Variants in TEX101 observed in about 807,000 individuals in gnomAD.
The protein encoded by TEX101 is testis-expressed protein 101.
In TEX101, 10 loss-of-function variants were observed where a neutral mutation model predicts 18.1. The ratio of observed to expected loss-of-function variants is 0.55; its 90% confidence interval spans 0.34 to 0.94. TEX101 has a LOEUF of 0.94. Ranked by LOEUF, TEX101 falls within the 40% of genes least tolerant of loss-of-function variation. The pLI, the probability that TEX101 is intolerant of heterozygous loss-of-function variation, is 0.02. For synonymous variants in TEX101, 94 were observed against 114.8 expected (o/e 0.82, Z 1.16); for missense variants, 259 against 298.9 (o/e 0.87, Z 0.98).
chr19:43,416,290 T>A, intron 3 of TEX101, 48 bp downstream of exon 3: 3 of 1,587,438 alleles, frequency 1.9e-6, no homozygotes, highest in Non-Finnish European at 2.6e-6. Context: ...AGGTTGATTA[T>A]CTCCATGCCA....
chr19:43,398,665 A>G (rs1297487397), upstream of TEX101, among the ~76,000 whole-genome samples: 1 of 152,040 alleles, frequency 6.6e-6, no homozygotes, highest in African/African-American at 2.4e-5. Flanking sequence ...CATTTTTTTC[A>G]TGACTGCTAA....
upstream of TEX101, among the ~76,000 whole-genome samples, chr19:43,399,864 G>C (rs1270009334): frequency 2.0e-5 from 3 of 149,270 alleles, no homozygotes. Context: ...CTGGAGTGCT[G>C]GAGTGCAATG....
the TEX101 span, among the ~76,000 whole-genome samples, chr19:43,395,329 T>TA: frequency 2.6e-5 from 4 of 152,234 alleles, no homozygotes; most frequent in Admixed American, 6.5e-5. Context: ...TCAAAGGCCT[T>TA]AAGCTCAAAA....
At chr19:43,413,205 C>A (rs1970434439), upstream of TEX101, among the ~76,000 whole-genome samples, 1 of 152,170 alleles carries the variant, frequency 6.6e-6, no homozygotes, top group African/African-American at 2.4e-5. Flanking sequence ...AAGTTGTAAG[C>A]CTTTAAAAAG....
intron 1 of TEX101, among the ~76,000 whole-genome samples, chr19:43,402,199 A>G (rs909852263): frequency 3.9e-5 from 6 of 152,270 alleles, no homozygotes; most frequent in African/African-American, 1.4e-4. Flanking sequence ...CCCTTTATGT[A>G]TACAGAAGTC....
intron 5 of TEX101, 64 bp from the exon 6 acceptor site, chr19:43,418,104 G>A: frequency 1.9e-6 from 3 of 1,610,602 alleles, no homozygotes; most frequent in Admixed American, 3.3e-5. Context: ...GATGAGGGGG[G>A]ACTGGATTCT....
At chr19:43,397,826 AAT>A (rs1242081501), upstream of TEX101, among the ~76,000 whole-genome samples, 41 of 111,350 alleles carry the variant, frequency 3.7e-4, no homozygotes, top group Non-Finnish European at 6.0e-4. Flanking sequence ...AATATATAAA[AAT>A]ATATATTTTA....
At chr19:43,406,731 C>T (rs970912922) in intron 3 of TEX101, among the ~76,000 whole-genome samples, 22 of 151,958 alleles carry the variant, frequency 1.4e-4, no homozygotes, top group Middle Eastern at 3.2e-3. Context: ...AGAAGCCTCC[C>T]GTTGGGCAGG....
At chr19:43,399,007 C>T (rs894212667), upstream of TEX101, among the ~76,000 whole-genome samples, 6 of 152,100 alleles carry the variant, frequency 3.9e-5, no homozygotes, top group African/African-American at 7.2e-5. Context: ...AAAGCCAATT[C>T]GATATTTTAC....
intron 3 of TEX101, among the ~76,000 whole-genome samples, chr19:43,407,636 T>C (rs1298639367): frequency 1.3e-5 from 2 of 152,220 alleles, no homozygotes; most frequent in Non-Finnish European, 2.9e-5. Flanking sequence ...GTTCAGACGT[T>C]TGGTGCCTGT....
chr19:43,400,836 T>C (rs576293634), upstream of TEX101, among the ~76,000 whole-genome samples: 113 of 152,322 alleles, frequency 7.4e-4, no homozygotes, highest in African/African-American at 2.7e-3. Context: ...GGCCCCTTTT[T>C]TTCCCTCCCT....
the TEX101 span, among the ~76,000 whole-genome samples, chr19:43,389,316 C>T: frequency 6.6e-6 from 1 of 152,252 alleles, no homozygotes; most frequent in East Asian, 1.9e-4. Flanking sequence ...CCATCAGGTG[C>T]TCCCGTGAAA....
intron 2 of TEX101, 42 bp downstream of exon 2, chr19:43,416,025 G>C (rs755830576): frequency 6.2e-7 from 1 of 1,611,902 alleles, no homozygotes; most frequent in Non-Finnish European, 8.5e-7. Flanking sequence ...TGTCACAGAA[G>C]GTGGACTGAT....
intron 2 of TEX101, among the ~76,000 whole-genome samples, chr19:43,403,498 G>A (rs1276283129): frequency 6.6e-6 from 1 of 152,088 alleles, no homozygotes; most frequent in East Asian, 1.9e-4. Flanking sequence ...ACAAGCTCAT[G>A]GGTGCAGCAA....
chr19:43,393,329 G>T, the TEX101 span, among the ~76,000 whole-genome samples: 74 of 152,268 alleles, frequency 4.9e-4, 3 homozygotes, highest in South Asian at 0.015. Flanking sequence ...GCTGCTCCAC[G>T]GGGAGGGGGC....
At chr19:43,396,448 TATG>T in the TEX101 span, among the ~76,000 whole-genome samples, 1 of 152,244 alleles carries the variant, frequency 6.6e-6, no homozygotes, top group Admixed American at 6.5e-5. Flanking sequence ...ATGGGATTAA[TATG>T]ATATTTCCAA....
upstream of TEX101, among the ~76,000 whole-genome samples, chr19:43,414,275 C>T (rs1264911055): frequency 2.0e-5 from 3 of 152,222 alleles, no homozygotes. Context: ...GATCTGACAG[C>T]AGCCTGTGCC....
intron 4 of TEX101, among the ~76,000 whole-genome samples, chr19:43,417,194 A>G (rs1222183135): frequency 6.6e-6 from 1 of 151,996 alleles, no homozygotes; most frequent in African/African-American, 2.4e-5. Flanking sequence ...TTTCAGCTTC[A>G]TTTCCCTCTC....
chr19:43,407,612 C>T (rs1010693132), intron 3 of TEX101, among the ~76,000 whole-genome samples: 1 of 152,202 alleles, frequency 6.6e-6, no homozygotes, highest in African/African-American at 2.4e-5. Context: ...TTGCCCAGTA[C>T]CACAGGTCCC....
Sources: allele counts gnomAD v4.1 joint callset (sites outside exome capture counted in the v4.1 genomes callset), GRCh38; gene constraint gnomAD v4.1.1; transcripts MANE v1.5; gene names NCBI Gene and HGNC (gene_info 2026-07-23, HGNC 2026-07-21).